NAV2: variants seen among roughly 807,000 people sequenced by gnomAD.
NAV2 encodes the protein neuron navigator 2, also known as helicase, APC down-regulated 1.
NAV2 carries 54 observed loss-of-function variants against 223.2 expected under a neutral mutation model. That is an observed-to-expected ratio of 0.24 (90% CI 0.19 to 0.30). NAV2 has a LOEUF of 0.30. NAV2 is among the 10% of genes least tolerant of loss of function. The pLI, the probability that NAV2 is intolerant of heterozygous loss-of-function variation, is 1.00. For synonymous variants in NAV2, 1,279 were observed against 1,239.3 expected (o/e 1.03, Z -0.67); for missense variants, 2,806 against 3,147.5 (o/e 0.89, Z 2.60).
chr11:20,086,268 C>G (rs909752979), intron 26 of NAV2, among the ~76,000 whole-genome samples: 1 of 152,104 alleles, frequency 6.6e-6, no homozygotes, highest in African/African-American at 2.4e-5. Flanking sequence ...GGGAGATCAC[C>G]CAGGGGCTCT....
intron 5 of NAV2, among the ~76,000 whole-genome samples, chr11:19,883,324 C>T (rs1352845586): frequency 6.6e-6 from 1 of 152,178 alleles, no homozygotes. Context: ...TCTTCCATGA[C>T]AGCTTCATAG....
At chr11:19,859,782 C>A (rs1258004465) in intron 3 of NAV2, among the ~76,000 whole-genome samples, 7 of 146,042 alleles carry the variant, frequency 4.8e-5, no homozygotes, top group East Asian at 4.3e-4. Context: ...GACCCCCCCA[C>A]CTCCCTCCCG....
chr11:19,595,060 G>A (rs1014678679), intron 1 of NAV2, among the ~76,000 whole-genome samples: 1 of 152,182 alleles, frequency 6.6e-6, no homozygotes, highest in African/African-American at 2.4e-5. Context: ...GAACAGGGAA[G>A]TGAGATGGGG....
At chr11:19,398,771 TC>T (rs2133287607) in intron 1 of NAV2, among the ~76,000 whole-genome samples, 1 of 152,304 alleles carries the variant, frequency 6.6e-6, no homozygotes, top group East Asian at 1.9e-4. Context: ...AATCTCCTGC[TC>T]CCAAGCAGCA....
At chr11:19,833,232 C>A (rs932045592) in intron 2 of NAV2, among the ~76,000 whole-genome samples, 25 of 152,190 alleles carry the variant, frequency 1.6e-4, no homozygotes, top group African/African-American at 6.0e-4. Flanking sequence ...GAGCCCAGAG[C>A]AGACAGAGGA....
chr11:19,576,877 G>T (rs1372866892), intron 1 of NAV2, among the ~76,000 whole-genome samples: 4 of 152,220 alleles, frequency 2.6e-5, no homozygotes, highest in African/African-American at 9.6e-5. Context: ...GCCTGGGAAG[G>T]TGTCCTGGGG....
At chr11:19,565,649 G>T (rs184774297) in intron 1 of NAV2, among the ~76,000 whole-genome samples, 1 of 152,082 alleles carries the variant, frequency 6.6e-6, no homozygotes, top group Non-Finnish European at 1.5e-5. Flanking sequence ...TTGACAGCCC[G>T]CCTTTTTTTT....
chr11:19,752,611 C>G (rs977230576), intron 1 of NAV2, among the ~76,000 whole-genome samples: 1 of 152,068 alleles, frequency 6.6e-6, no homozygotes, highest in African/African-American at 2.4e-5. Context: ...ACATCATGAA[C>G]ACCTTTTCAT....
chr11:19,420,433 AC>A (rs1375263504), intron 1 of NAV2, among the ~76,000 whole-genome samples: 1 of 152,212 alleles, frequency 6.6e-6, no homozygotes. Context: ...CTAGGTACAC[AC>A]CCAAAAGAAA....
chr11:19,630,299 G>A (rs1372498223), intron 1 of NAV2, among the ~76,000 whole-genome samples: 1 of 152,182 alleles, frequency 6.6e-6, no homozygotes, highest in African/African-American at 2.4e-5. Context: ...TGAGCAAGAA[G>A]AAGCTGATTT....
At chr11:19,728,953 G>A (rs143863453) in intron 1 of NAV2, among the ~76,000 whole-genome samples, 1 of 152,306 alleles carries the variant, frequency 6.6e-6, no homozygotes, top group East Asian at 1.9e-4. Context: ...TGCCAAGAGT[G>A]CACCCCTTCC....
intron 1 of NAV2, among the ~76,000 whole-genome samples, chr11:19,643,965 C>G (rs2047743221): frequency 6.6e-6 from 1 of 152,190 alleles, no homozygotes; most frequent in Non-Finnish European, 1.5e-5. Flanking sequence ...TACCAGGAAC[C>G]TGGCATTTAA....
intron 1 of NAV2, among the ~76,000 whole-genome samples, chr11:19,816,646 A>G (rs1332012142): frequency 1.3e-5 from 2 of 152,214 alleles, no homozygotes; most frequent in Admixed American, 6.5e-5. Context: ...ATTAGCAGAA[A>G]ATTCAGGGAA....
At chr11:19,565,884 T>C (rs1001416288) in intron 1 of NAV2, among the ~76,000 whole-genome samples, 1 of 152,184 alleles carries the variant, frequency 6.6e-6, no homozygotes, top group African/African-American at 2.4e-5. Context: ...TGGCATCCAA[T>C]GGCAGCTGGA....
chr11:19,966,873 A>G (rs1354600931), intron 10 of NAV2, among the ~76,000 whole-genome samples: 1 of 152,078 alleles, frequency 6.6e-6, no homozygotes, highest in Non-Finnish European at 1.5e-5. Context: ...CACGTTTCCA[A>G]CTTCTTCTAC....
intron 3 of NAV2, among the ~76,000 whole-genome samples, chr11:19,866,502 C>T (rs761735730): frequency 9.2e-5 from 14 of 152,152 alleles, no homozygotes; most frequent in African/African-American, 2.9e-4. Flanking sequence ...TTAATAGAAT[C>T]GGACATTAAA....
chr11:19,460,565 C>T (rs949724794), intron 1 of NAV2, among the ~76,000 whole-genome samples: 7 of 149,276 alleles, frequency 4.7e-5, no homozygotes, highest in Non-Finnish European at 7.4e-5. Context: ...AACCAAACAC[C>T]GCATGTTCTC....
At chr11:20,065,536 A>G (rs974987042) in intron 20 of NAV2, among the ~76,000 whole-genome samples, 1 of 152,240 alleles carries the variant, frequency 6.6e-6, no homozygotes, top group African/African-American at 2.4e-5. Flanking sequence ...GGTAGGGAAC[A>G]CTGGAGTTCC....
At chr11:19,860,968 C>T (rs2061734236) in intron 3 of NAV2, among the ~76,000 whole-genome samples, 1 of 144,632 alleles carries the variant, frequency 6.9e-6, no homozygotes, top group African/African-American at 2.5e-5. Context: ...TGCAGTGAGC[C>T]GAGATGGCAG....
Sources: allele counts gnomAD v4.1 joint callset (sites outside exome capture counted in the v4.1 genomes callset), GRCh38; gene constraint gnomAD v4.1.1; transcripts MANE v1.5; gene names NCBI Gene and HGNC (gene_info 2026-07-23, HGNC 2026-07-21).